PCDH7: variants seen among roughly 807,000 people sequenced by gnomAD.
The protein encoded by PCDH7 is protocadherin 7.
PCDH7 carries 17 observed loss-of-function variants against 58.9 expected under a neutral mutation model. The observed-to-expected ratio is 0.29, with a 90% CI of 0.20 to 0.43. The LOEUF is 0.43. Ranked by LOEUF, PCDH7 falls within the 20% of genes least tolerant of loss-of-function variation. PCDH7 has a pLI of 1.00. For synonymous variants in PCDH7, 664 were observed against 616.4 expected, an observed-to-expected ratio of 1.08 and a Z score of -1.14; for missense variants, 1,274 against 1,441.0, an observed-to-expected ratio of 0.88 and a Z score of 1.88.
At chr4:30,826,198 G>T (rs1212599761) in intron 1 of PCDH7, among the ~76,000 whole-genome samples, 1 of 152,006 alleles carries the variant, frequency 6.6e-6, no homozygotes, top group Admixed American at 6.6e-5. Flanking sequence ...TTATTTCAAG[G>T]ACCTATATTG....
intron 3 of PCDH7, among the ~76,000 whole-genome samples, chr4:30,998,230 G>A (rs1191653068): frequency 1.3e-5 from 2 of 152,164 alleles, no homozygotes; most frequent in Non-Finnish European, 2.9e-5. Context: ...AGAACCAACA[G>A]TAGATCATGG....
chr4:30,726,121 G>A lies in PCDH7; in HGVS notation c.3174+1525G>A, dbSNP rs138868080. Among the ~76,000 whole-genome samples, 426 of 152,158 alleles carry A rather than the reference G, an allele frequency of 2.8e-3. 6 individuals carry two copies. Among genetic ancestry groups the A allele is most frequent in the East Asian group, 9.1e-3 (47 of 5,182 alleles). On this transcript the variant is annotated intron_variant, in intron 1 of 1. Coordinates refer to ENST00000361762, the Ensembl canonical transcript of PCDH7. ...GTTGTATTATTGTGTTACATGGAGT[G>A]AGAAGCTGATTTTTGTGTTGTTTTG...
chr4:30,839,996 C>A (rs1411703516), intron 1 of PCDH7, among the ~76,000 whole-genome samples: 1 of 151,326 alleles, frequency 6.6e-6, no homozygotes, highest in Non-Finnish European at 1.5e-5. Flanking sequence ...ATTAGCTAAG[C>A]AAATGATTAG....
At chr4:30,805,125 C>T (rs1025893764) in intron 1 of PCDH7, among the ~76,000 whole-genome samples, 2 of 152,188 alleles carry the variant, frequency 1.3e-5, no homozygotes, top group Non-Finnish European at 2.9e-5. Flanking sequence ...TAATTGCTGA[C>T]TACATCTTGT....
chr4:30,830,043 ATT>A (rs1339397126), intron 1 of PCDH7, among the ~76,000 whole-genome samples: 1 of 152,014 alleles, frequency 6.6e-6, no homozygotes, highest in Non-Finnish European at 1.5e-5. Flanking sequence ...TTTTCATTTT[ATT>A]TTTTATTGCT....
chr4:30,934,339 C>T (rs1745062608), intron 2 of PCDH7, among the ~76,000 whole-genome samples: 1 of 152,108 alleles, frequency 6.6e-6, no homozygotes, highest in Non-Finnish European at 1.5e-5. Context: ...TAAGTAACCA[C>T]ATTTTATTTT....
chr4:30,887,969 G>A (rs781153720), intron 1 of PCDH7, among the ~76,000 whole-genome samples: 3 of 151,350 alleles, frequency 2.0e-5, no homozygotes, highest in Admixed American at 6.6e-5. Flanking sequence ...TCTGCCTCCC[G>A]GGTGCAAGCA....
At chr4:31,062,951 G>A (rs1332932142) in intron 3 of PCDH7, among the ~76,000 whole-genome samples, 2 of 151,832 alleles carry the variant, frequency 1.3e-5, no homozygotes, top group African/African-American at 4.8e-5. Flanking sequence ...ATTACATGCA[G>A]TATAGCTAGT....
intron 3 of PCDH7, among the ~76,000 whole-genome samples, chr4:30,953,484 C>T (rs1226049522): frequency 2.6e-5 from 4 of 151,582 alleles, no homozygotes; most frequent in Non-Finnish European, 5.9e-5. Context: ...CTAAAACAAG[C>T]AATTCAGCAT....
intron 1 of PCDH7, among the ~76,000 whole-genome samples, chr4:30,860,490 A>G (rs541976281): frequency 6.6e-6 from 1 of 151,678 alleles, no homozygotes; most frequent in East Asian, 1.9e-4. Flanking sequence ...TTTCTTAATT[A>G]TGGATTGTCT....
chr4:31,097,635 T>TATA (rs1714305029), intron 3 of PCDH7, among the ~76,000 whole-genome samples: 1 of 45,710 alleles, frequency 2.2e-5, no homozygotes, highest in Non-Finnish European at 3.7e-5. Context: ...TATATATATA[T>TATA]ATAAATCTTT....
chr4:31,107,994 T>C (rs1440049143), intron 3 of PCDH7, among the ~76,000 whole-genome samples: 2 of 152,154 alleles, frequency 1.3e-5, no homozygotes, highest in African/African-American at 4.8e-5. Flanking sequence ...GAACCAACAC[T>C]TAAGGTAATG....
chr4:30,724,219 A>C, exon 1 of PCDH7: 6 of 1,613,770 alleles, frequency 3.7e-6, no homozygotes, highest in Non-Finnish European at 5.1e-6. Flanking sequence ...CAAATCTAAA[A>C]AGCCTAAAAA....
intron 1 of PCDH7, among the ~76,000 whole-genome samples, chr4:30,771,495 G>T (rs948521428): frequency 3.9e-5 from 6 of 152,118 alleles, no homozygotes; most frequent in African/African-American, 1.4e-4. Context: ...GGGGGCTGGG[G>T]GTTAGAAGTT....
At chr4:30,777,310 T>C (rs1441956776) in intron 1 of PCDH7, among the ~76,000 whole-genome samples, 1 of 152,174 alleles carries the variant, frequency 6.6e-6, no homozygotes, top group Non-Finnish European at 1.5e-5. Context: ...TTAACATGTT[T>C]TGACGCCAAG....
chr4:30,918,941 TG>T (rs1348054214), intron 1 of PCDH7, among the ~76,000 whole-genome samples: 2 of 152,150 alleles, frequency 1.3e-5, no homozygotes, highest in African/African-American at 4.8e-5. Flanking sequence ...TAACCTACCA[TG>T]TGCATATAAT....
chr4:30,889,084 G>A (rs1389537894), intron 1 of PCDH7, among the ~76,000 whole-genome samples: 1 of 145,606 alleles, frequency 6.9e-6, no homozygotes, highest in Non-Finnish European at 1.5e-5. Context: ...CAGAGGCTGA[G>A]GTGGGTGGAT....
chr4:30,997,771 A>AT (rs1334478678), intron 3 of PCDH7, among the ~76,000 whole-genome samples: 2 of 152,158 alleles, frequency 1.3e-5, no homozygotes, highest in African/African-American at 4.8e-5. Flanking sequence ...TAATCAAGAC[A>AT]TTTTAAAAGA....
chr4:30,723,129 G>A lies in PCDH7; in HGVS notation c.1707G>A (p.Glu569=). 6.2e-7 allele frequency: 1 copy of A among 1,614,056 alleles called. No individual in the cohort carries two copies. Among genetic ancestry groups the A allele is most frequent in the Non-Finnish European group, 8.5e-7 (1 of 1,180,044 alleles). Residue 569 remains glutamate (E), a synonymous_variant, in exon 1 of 2, where the codon GAG becomes GAA. Transcript: ENST00000361762. This position sits in a 1 kb window ranked among gnomAD's most constrained non-coding sequence, Gnocchi z 4.6. ...ACGCAGACAGCGGTAAGAACGCCGA[G>A]ATCGCCTACTCGCTGGACTCCTCTG...
Sources: gnomAD v4.1 joint callset for allele counts (sites outside exome capture counted in the v4.1 genomes callset) on GRCh38, gnomAD v4.1.1 for gene constraint, Gnocchi (gnomAD v3.1) non-coding constraint, MANE v1.5 for transcripts, NCBI Gene and HGNC (gene_info 2026-07-23, HGNC 2026-07-21) for gene names.